The following ARHGAP26 variants were observed in gnomAD, a reference collection of about 807,000 sequenced individuals.
The protein encoded by ARHGAP26 is rho GTPase-activating protein 26.
In ARHGAP26, 38 loss-of-function variants were observed where a neutral mutation model predicts 104.8. The observed-to-expected ratio is 0.36, with a 90% CI of 0.28 to 0.48. The LOEUF is 0.48. ARHGAP26 is among the 20% of genes least tolerant of loss of function. The pLI, the probability that ARHGAP26 is intolerant of heterozygous loss-of-function variation, is 0.99. For synonymous variants in ARHGAP26, 341 were observed against 340.0 expected, an observed-to-expected ratio of 1.00 and a Z score of -0.03; for missense variants, 704 against 947.9, an observed-to-expected ratio of 0.74 and a Z score of 3.38.
chr5:142,954,418 A>T (rs1377261189), intron 11 of ARHGAP26, among the ~76,000 whole-genome samples: 2 of 152,204 alleles, frequency 1.3e-5, no homozygotes, highest in African/African-American at 4.8e-5. Context: ...TTATAAATAA[A>T]TATGGTTTCT....
chr5:142,891,114 C>T (rs1175362892), intron 5 of ARHGAP26, among the ~76,000 whole-genome samples: 15 of 151,818 alleles, frequency 9.9e-5, no homozygotes, highest in Admixed American at 7.9e-4. Flanking sequence ...GTTGGATTTG[C>T]GCTACAAGAA....
intron 1 of ARHGAP26, among the ~76,000 whole-genome samples, chr5:142,860,885 T>C (rs983882506): frequency 9.2e-5 from 14 of 152,288 alleles, no homozygotes; most frequent in African/African-American, 3.4e-4. Flanking sequence ...TGGTATCAGC[T>C]CTCAAACTTC....
intron 20 of ARHGAP26, among the ~76,000 whole-genome samples, chr5:143,151,910 C>T (rs1238094089): frequency 3.3e-5 from 5 of 152,038 alleles, no homozygotes; most frequent in Non-Finnish European, 5.9e-5. Flanking sequence ...GAGCTGAGAT[C>T]GTGCCACCGC....
intron 11 of ARHGAP26, among the ~76,000 whole-genome samples, chr5:142,937,019 T>C (rs992538280): frequency 6.6e-6 from 1 of 152,178 alleles, no homozygotes; most frequent in Non-Finnish European, 1.5e-5. Context: ...GATAAAATTT[T>C]CTTCATCAAA....
At chr5:143,066,393 T>G (rs753420485) in intron 17 of ARHGAP26, among the ~76,000 whole-genome samples, 1 of 152,260 alleles carries the variant, frequency 6.6e-6, no homozygotes, top group Non-Finnish European at 1.5e-5. Flanking sequence ...AGTCTCTTCT[T>G]TCTGGAAAAC....
intron 1 of ARHGAP26, among the ~76,000 whole-genome samples, chr5:142,823,898 C>T (rs926120177): frequency 1.9e-4 from 29 of 152,194 alleles, no homozygotes; most frequent in South Asian, 4.1e-4. Flanking sequence ...ACAGAATTTT[C>T]ACTTTTTAAA....
rs567033464 is a variant in ARHGAP26, at chr5:142,801,343, C to G, written c.154+30428C>G. On this transcript the variant is annotated intron_variant, in intron 1 of 22. Coordinates refer to ENST00000645722, the MANE Select transcript of ARHGAP26 (RefSeq NM_001135608.3). ...ATAGCGAATAGAAATTGATGACGCC[C>G]TATGTGCCAGACCTTAAAATCTTGT... is the stretch of plus-strand genomic sequence containing the variant. 2.0e-5 allele frequency among the ~76,000 whole-genome samples: 3 copies of G among 152,200 alleles called. No individual in the cohort carries two copies. The East Asian group carries it at 5.8e-4, about 29-fold the overall frequency.
chr5:143,006,407 A>G lies in ARHGAP26; in HGVS notation c.1108-7673A>G, dbSNP rs1777980369. On this transcript the variant is annotated intron_variant, in intron 11 of 22. Coordinates refer to ENST00000645722, the MANE Select transcript of ARHGAP26 (RefSeq NM_001135608.3). Reference sequence around the variant, plus strand: ...CTTTCTGAGTGGCTGGCTATGTGCTAGTTACTGAACCCCCTTTATGTATAA... The same window carrying G: ...CTTTCTGAGTGGCTGGCTATGTGCTGGTTACTGAACCCCCTTTATGTATAA... Among the ~76,000 whole-genome samples the G allele has an allele frequency of 2.1e-5, 3 of 146,300 alleles. No individual in the cohort carries two copies. In the South Asian group the frequency reaches 6.4e-4, roughly 31 times the overall value.
At chr5:143,213,886 C>A in intron 21 of ARHGAP26, 111 bp from the exon 22 acceptor site, 1 of 618,584 alleles carries the variant, frequency 1.6e-6, no homozygotes, top group Non-Finnish European at 2.7e-6. Flanking sequence ...AGGCACTTCC[C>A]ACGAGAGGGG....
chr5:143,199,350 C>T (rs1196210722), intron 20 of ARHGAP26, among the ~76,000 whole-genome samples: 1 of 152,148 alleles, frequency 6.6e-6, no homozygotes, highest in Non-Finnish European at 1.5e-5. Flanking sequence ...TTCAGATTTT[C>T]AACAGATAAA....
chr5:142,950,210 G>C (rs1768095936), intron 11 of ARHGAP26, among the ~76,000 whole-genome samples: 1 of 152,160 alleles, frequency 6.6e-6, no homozygotes, highest in South Asian at 2.1e-4. Context: ...AGTGAATGGG[G>C]AGGGGCAGGA....
rs537712889 is a variant in ARHGAP26, at chr5:143,143,355, C to T, written c.1838-3876C>T. Among the ~76,000 whole-genome samples, 222 of 152,226 alleles carry T rather than the reference C, an allele frequency of 1.5e-3. 2 individuals are homozygous for T. The highest frequency in any genetic ancestry group is 4.4e-3 in the South Asian group (21 of 4,826). On this transcript the variant is annotated intron_variant, in intron 19 of 22. Coordinates refer to ENST00000645722, the MANE Select transcript of ARHGAP26 (RefSeq NM_001135608.3). ...TGATGGGGTTGCCATTAGAGTGGGT[C>T]GGAGTCACTTGGTAAATATGGAAAG...
At chr5:142,885,604 G>A (rs970537877) in intron 5 of ARHGAP26, among the ~76,000 whole-genome samples, 5 of 152,028 alleles carry the variant, frequency 3.3e-5, no homozygotes, top group African/African-American at 1.2e-4. Context: ...TAGCCTTCCC[G>A]CCTGTCAAGG....
At chr5:142,771,669 C>G (rs1755240040) in intron 1 of ARHGAP26, among the ~76,000 whole-genome samples, 1 of 152,206 alleles carries the variant, frequency 6.6e-6, no homozygotes, top group South Asian at 2.1e-4. Context: ...CTCCTTTTTA[C>G]CTCTTCCGTT....
intron 17 of ARHGAP26, among the ~76,000 whole-genome samples, chr5:143,076,146 C>T (rs1248522546): frequency 2.0e-5 from 3 of 150,284 alleles, no homozygotes; most frequent in Non-Finnish European, 4.4e-5. Context: ...GTGTGCGCCA[C>T]CAGACCTGGC....
intron 11 of ARHGAP26, among the ~76,000 whole-genome samples, chr5:142,987,293 G>A (rs530391563): frequency 2.7e-5 from 4 of 145,758 alleles, no homozygotes; most frequent in Admixed American, 6.9e-5. Flanking sequence ...TTGGCTCTCT[G>A]TTTGCCTGTT....
intron 12 of ARHGAP26, among the ~76,000 whole-genome samples, chr5:143,017,135 C>T (rs375300445): frequency 6.6e-6 from 1 of 152,200 alleles, no homozygotes; most frequent in Admixed American, 6.5e-5. Flanking sequence ...AAATGTCCGG[C>T]ATTTTCTTTT....
intron 9 of ARHGAP26, 45 bp downstream of exon 9, chr5:142,907,849 A>T: frequency 2.9e-6 from 4 of 1,393,296 alleles, no homozygotes; most frequent in Non-Finnish European, 4.1e-6. Flanking sequence ...CTTGGCTAAC[A>T]TATAATGATT....
chr5:143,171,649 A>G (rs1418000497), intron 20 of ARHGAP26, among the ~76,000 whole-genome samples: 1 of 152,150 alleles, frequency 6.6e-6, no homozygotes, highest in African/African-American at 2.4e-5. Flanking sequence ...TAACTCTCCA[A>G]TCTCAGGTAA....
Sources: allele counts gnomAD v4.1 joint callset (sites outside exome capture counted in the v4.1 genomes callset), GRCh38; gene constraint gnomAD v4.1.1; transcripts MANE v1.5; gene names NCBI Gene and HGNC (gene_info 2026-07-23, HGNC 2026-07-21).